ADD3: variants seen among roughly 807,000 people sequenced by gnomAD.
The protein encoded by ADD3 is gamma-adducin.
In ADD3, 25 loss-of-function variants were observed where a neutral mutation model predicts 80.2. That is an observed-to-expected ratio of 0.31 (90% CI 0.23 to 0.44). The LOEUF is 0.44. ADD3 is among the 20% of genes least tolerant of loss of function. ADD3 has a pLI of 1.00. For synonymous variants in ADD3, 284 were observed against 289.6 expected (o/e 0.98, Z 0.20); for missense variants, 829 against 847.5 (o/e 0.98, Z 0.27).
intron 1 of ADD3, among the ~76,000 whole-genome samples, chr10:110,009,894 T>G (rs182336297): frequency 1.3e-5 from 2 of 152,346 alleles, no homozygotes; most frequent in African/African-American, 4.8e-5. Flanking sequence ...ATTTTACATA[T>G]ATGATATCAG....
intron 1 of ADD3, among the ~76,000 whole-genome samples, chr10:110,027,572 C>T (rs1854458748): frequency 6.6e-6 from 1 of 152,160 alleles, no homozygotes; most frequent in African/African-American, 2.4e-5. Flanking sequence ...ACACTTAGCA[C>T]ATCTTAATTC....
chr10:110,093,977 T>C (rs1459759241), intron 1 of ADD3, among the ~76,000 whole-genome samples: 1 of 152,208 alleles, frequency 6.6e-6, no homozygotes, highest in Admixed American at 6.5e-5. Context: ...ACTACTGTAT[T>C]GATAAAATGT....
At chr10:110,056,699 TTTGTC>T (rs1177764647) in intron 1 of ADD3, among the ~76,000 whole-genome samples, 1 of 152,204 alleles carries the variant, frequency 6.6e-6, no homozygotes, top group East Asian at 1.9e-4. Flanking sequence ...ACAAATCAGA[TTTGTC>T]TAGTCAACAC....
chr10:110,071,467 C>G (rs1844702933), intron 1 of ADD3, among the ~76,000 whole-genome samples: 1 of 152,136 alleles, frequency 6.6e-6, no homozygotes, highest in Non-Finnish European at 1.5e-5. Flanking sequence ...TTGCATGTGT[C>G]ATGAATATTT....
At chr10:110,005,003 T>C (rs1223409252), upstream of ADD3, among the ~76,000 whole-genome samples, 1 of 152,214 alleles carries the variant, frequency 6.6e-6, no homozygotes, top group Non-Finnish European at 1.5e-5. Context: ...ATTAATACTG[T>C]GCTATTATCC....
intron 1 of ADD3, among the ~76,000 whole-genome samples, chr10:110,051,047 C>T (rs192349575): frequency 3.1e-4 from 47 of 152,290 alleles, no homozygotes; most frequent in African/African-American, 1.0e-3. Flanking sequence ...GTGCCAGCAC[C>T]ATTCAAGGGG....
chr10:110,128,607 C>A (rs1177028910), intron 12 of ADD3, among the ~76,000 whole-genome samples: 1 of 151,934 alleles, frequency 6.6e-6, no homozygotes, highest in African/African-American at 2.4e-5. Context: ...TTAGTAGAGA[C>A]AGGGTTTCAC....
chr10:110,119,192 T>C lies in ADD3; in HGVS notation c.718-19T>C. On this transcript the variant is annotated intron_variant, in intron 6 of 14. Transcript: ENST00000356080. ...TTAGTAACCAAATGTGTTATCTTGG[T>C]ATGGGCCAAACCAAATAGGTATCCT... is the stretch of plus-strand genomic sequence containing the variant. 1 of 1,613,190 alleles carries C rather than the reference T, an allele frequency of 6.2e-7. No homozygotes were observed. Among genetic ancestry groups the C allele is most frequent in the Non-Finnish European group, 8.5e-7 (1 of 1,179,624 alleles).
chr10:110,011,898 C>T lies in ADD3; in HGVS notation c.-30+3599C>T, dbSNP rs200519219. Among the ~76,000 whole-genome samples, 25 of 152,210 alleles carry T rather than the reference C, an allele frequency of 1.6e-4. No individual in the cohort carries two copies. In the East Asian group the frequency reaches 4.8e-3, roughly 29 times the overall value. Reference sequence around the variant, plus strand: ...CTGCCAGAGATTCAGTTCTCTTGGCCAAATGCCAAGACAGTCTCAAATTTT... The same window carrying T: ...CTGCCAGAGATTCAGTTCTCTTGGCTAAATGCCAAGACAGTCTCAAATTTT... On this transcript the variant is annotated intron_variant, in intron 1 of 14. Transcript: ENST00000356080.
chr10:110,067,281 C>A (rs986074886), intron 1 of ADD3, among the ~76,000 whole-genome samples: 1 of 152,082 alleles, frequency 6.6e-6, no homozygotes, highest in African/African-American at 2.4e-5. Context: ...GGAAGAAAGC[C>A]TTTCTAAAAT....
chr10:110,011,084 C>CTTT (rs35981424), intron 1 of ADD3, among the ~76,000 whole-genome samples: 17 of 142,508 alleles, frequency 1.2e-4, no homozygotes, highest in African/African-American at 4.1e-4. Flanking sequence ...ATACTAAAGT[C>CTTT]TTTTTTTTTT....
chr10:110,082,304 T>A (rs562074405), intron 1 of ADD3, among the ~76,000 whole-genome samples: 12 of 152,258 alleles, frequency 7.9e-5, no homozygotes, highest in Admixed American at 2.6e-4. Context: ...ATAAAAGTCA[T>A]GACAGTTAAA....
intron 3 of ADD3, among the ~76,000 whole-genome samples, chr10:110,115,080 T>TA (rs752916695): frequency 0.029 from 2,499 of 84,856 alleles, 50 homozygotes; most frequent in East Asian, 0.072. Flanking sequence ...CCCCTGCCTC[T>TA]AAAAAAAAAA....
rs1162894645 is a variant in ADD3 at position 110,132,383 on chromosome 10, T to G, written c.1811T>G (p.Val604Gly). 1 of 1,612,590 alleles carries G rather than the reference T, an allele frequency of 6.2e-7. No homozygotes were observed. The highest frequency in any genetic ancestry group is 1.7e-5 in the Admixed American group (1 of 59,992). The change falls in exon 14 of 15, where the codon GTC (valine) becomes GGC (glycine). Residue 604 changes from valine to glycine, a missense_variant. Transcript: ENST00000356080. The part of the protein sequence containing the change: ...IQSQTQSPQN[V>G]PEKLEENHEL... Reference sequence around the variant, plus strand: ...TCTCAAACTCAGTCACCGCAAAATGTCCCTGAAAAATTAGAAGGTACTCAA... The same window carrying G: ...TCTCAAACTCAGTCACCGCAAAATGGCCCTGAAAAATTAGAAGGTACTCAA...
intron 2 of ADD3, among the ~76,000 whole-genome samples, chr10:110,110,236 G>A (rs1027256113): frequency 6.6e-6 from 1 of 152,118 alleles, no homozygotes; most frequent in Non-Finnish European, 1.5e-5. Context: ...AATTCTTCCA[G>A]AACTTTAGTG....
At chr10:110,044,367 G>C (rs1385226857) in intron 1 of ADD3, among the ~76,000 whole-genome samples, 1 of 152,136 alleles carries the variant, frequency 6.6e-6, no homozygotes, top group African/African-American at 2.4e-5. Flanking sequence ...TTGACAGTGA[G>C]AATCATATAT....
chr10:110,051,668 C>T (rs1182834438), intron 1 of ADD3, among the ~76,000 whole-genome samples: 5 of 152,168 alleles, frequency 3.3e-5, no homozygotes, highest in African/African-American at 1.2e-4. Flanking sequence ...AGTGTGCATT[C>T]TCCAATTTTT....
chr10:110,119,345 A>C lies in ADD3; in HGVS notation c.852A>C (p.Pro284=). The C allele has an allele frequency of 1.2e-6, 2 of 1,614,124 alleles. No individual in the cohort carries two copies. Among genetic ancestry groups the C allele is most frequent in the South Asian group, 2.2e-5 (2 of 91,084 alleles). ...ERIQLQKVLG[P]SCKVLVLRNH... ...TTCAACTGCAGAAGGTTCTGGGACC[A>C]AGTTGTAAGGTATGTAGTAGAGTTT... Residue 284 remains proline, a synonymous_variant, in exon 7 of 15, where the codon CCA becomes CCC. Transcript: ENST00000356080.
At chr10:110,038,149 A>G (rs920808911) in intron 1 of ADD3, among the ~76,000 whole-genome samples, 1 of 151,754 alleles carries the variant, frequency 6.6e-6, no homozygotes, top group Non-Finnish European at 1.5e-5. Context: ...GTAAACCACC[A>G]CCCAGAGATA....
Sources: allele counts gnomAD v4.1 joint callset (sites outside exome capture counted in the v4.1 genomes callset), GRCh38; gene constraint gnomAD v4.1.1; transcripts MANE v1.5; gene names NCBI Gene and HGNC (gene_info 2026-07-23, HGNC 2026-07-21).